The following AHNAK variants were observed in gnomAD, a reference collection of about 807,000 sequenced individuals.
AHNAK encodes neuroblast differentiation-associated protein AHNAK.
AHNAK carries 23 observed loss-of-function variants against 37.8 expected under a neutral mutation model. The observed-to-expected ratio is 0.61, with a 90% CI of 0.44 to 0.86. The LOEUF (loss-of-function observed/expected upper bound fraction) is 0.86. Among genes scored for constraint, AHNAK ranks in the 40% least tolerant of loss-of-function variants. AHNAK has a pLI of 0.00. For synonymous variants in AHNAK, 2,481 were observed against 2,636.3 expected, an observed-to-expected ratio of 0.94 and a Z score of 1.80; for missense variants, 7,411 against 7,319.4, an observed-to-expected ratio of 1.01 and a Z score of -0.46.
intron 5 of AHNAK, among the ~76,000 whole-genome samples, chr11:62,487,522 T>A (rs1169662212): frequency 1.3e-5 from 2 of 152,244 alleles, no homozygotes; most frequent in Non-Finnish European, 2.9e-5. Flanking sequence ...AGTGTCTTTT[T>A]TTTTTGAGAC....
At chr11:62,499,317 G>A (rs1939672716) in intron 4 of AHNAK, among the ~76,000 whole-genome samples, 1 of 152,232 alleles carries the variant, frequency 6.6e-6, no homozygotes, top group Non-Finnish European at 1.5e-5. Context: ...GGGAGGCCGA[G>A]GCGGGTGGAT....
intron 5 of AHNAK, among the ~76,000 whole-genome samples, chr11:62,441,514 T>G (rs1423099663): frequency 6.6e-6 from 1 of 151,928 alleles, no homozygotes; most frequent in Non-Finnish European, 1.5e-5. Context: ...TATTTTATTT[T>G]TGTTTGAGAT....
intron 5 of AHNAK, among the ~76,000 whole-genome samples, chr11:62,449,551 A>C (rs1938489977): frequency 6.6e-6 from 1 of 152,220 alleles, no homozygotes; most frequent in African/African-American, 2.4e-5. Flanking sequence ...GAGCAGGGGC[A>C]GAGGCTGGTA....
chr11:62,476,680 G>GCAA (rs758560665), intron 5 of AHNAK, among the ~76,000 whole-genome samples: 10 of 152,050 alleles, frequency 6.6e-5, no homozygotes, highest in Non-Finnish European at 1.3e-4. Context: ...CTTATTCTAC[G>GCAA]CAACAACAAT....
chr11:62,472,881 G>A (rs1251716230), intron 5 of AHNAK, among the ~76,000 whole-genome samples: 1 of 151,266 alleles, frequency 6.6e-6, no homozygotes, highest in Admixed American at 6.6e-5. Flanking sequence ...GAGGTCAGGA[G>A]GTCAAGACCA....
At chr11:62,439,279 G>T (rs1170757074) in intron 5 of AHNAK, among the ~76,000 whole-genome samples, 4 of 151,618 alleles carry the variant, frequency 2.6e-5, no homozygotes, top group Non-Finnish European at 5.9e-5. Context: ...TGTATTTTTA[G>T]TAGACACGGG....
chr11:62,486,648 T>A (rs1264575122), intron 5 of AHNAK, among the ~76,000 whole-genome samples: 1 of 152,082 alleles, frequency 6.6e-6, no homozygotes, highest in African/African-American at 2.4e-5. Flanking sequence ...GTTCTGGAGC[T>A]GCACAGTGGA....
chr11:62,439,445 G>A (rs1425404867), intron 5 of AHNAK, among the ~76,000 whole-genome samples: 1 of 151,850 alleles, frequency 6.6e-6, no homozygotes, highest in Admixed American at 6.6e-5. Flanking sequence ...TAGTACTCTA[G>A]GGCTAGCACC....
chr11:62,544,025 C>T (rs962960525), intron 1 of AHNAK, among the ~76,000 whole-genome samples: 1 of 152,158 alleles, frequency 6.6e-6, no homozygotes, highest in Non-Finnish European at 1.5e-5. Flanking sequence ...TGACCACACC[C>T]CAGAGCCCCA....
chr11:62,520,276 A>G lies in AHNAK; in HGVS notation c.14141T>C (p.Met4714Thr), dbSNP rs746371303. Residue 4714 changes from methionine to threonine, a missense_variant, in exon 5 of 5, where the codon ATG (methionine) becomes ACG (threonine). Coordinates refer to ENST00000378024, the MANE Select transcript of AHNAK (RefSeq NM_001620.3). ...LKGPKFKMPE[M>T]SIKAPKISMP... is the part of the protein sequence containing the mutation. ...GGAGATCTTGGGGGCTTTGATGCTC[A>G]TCTCAGGCATCTTGAACTTGGGGCC... 1.2e-6 allele frequency: 2 copies of G among 1,612,100 alleles called. No homozygotes were observed. The highest frequency in any genetic ancestry group is 1.7e-6 in the Non-Finnish European group (2 of 1,179,580).
chr11:62,475,040 C>A (rs576581631), intron 5 of AHNAK, among the ~76,000 whole-genome samples: 5 of 152,284 alleles, frequency 3.3e-5, no homozygotes, highest in African/African-American at 1.2e-4. Context: ...CGGTGGCTCA[C>A]GCCCGTAATC....
Position 62,520,289 on chromosome 11 carries a change from T to G in AHNAK, c.14128A>C (p.Lys4710Gln). The change falls in exon 5 of 5, where the codon AAG (lysine) becomes CAG (glutamine). Residue 4710 changes from lysine (K) to glutamine (Q), a missense_variant. Coordinates refer to ENST00000378024, the MANE Select transcript of AHNAK (RefSeq NM_001620.3). The stretch of plus-strand genomic sequence containing the variant: ...GCTTTGATGCTCATCTCAGGCATCT[T>G]GAACTTGGGGCCCTTTAGTTTCGCA... The part of the protein sequence containing the change: ...PDAKLKGPKF[K>Q]MPEMSIKAPK... 1 of 1,613,676 alleles carries G rather than the reference T, an allele frequency of 6.2e-7. No homozygotes were observed. The highest frequency in any genetic ancestry group is 2.2e-5 in the East Asian group (1 of 44,814).
chr11:62,513,292 T>C (rs531757299), downstream of AHNAK, among the ~76,000 whole-genome samples: 35 of 152,296 alleles, frequency 2.3e-4, no homozygotes, highest in African/African-American at 8.2e-4. Context: ...ATCCCAACAC[T>C]TTGGGAGACC....
intron 5 of AHNAK, among the ~76,000 whole-genome samples, chr11:62,476,778 A>G (rs1339917104): frequency 6.6e-6 from 1 of 152,176 alleles, no homozygotes; most frequent in Non-Finnish European, 1.5e-5. Flanking sequence ...ACCAAGAGAA[A>G]GAAGCTCCAA....
Position 62,517,999 on chromosome 11 carries a change from C to T in AHNAK, c.16418G>A (p.Gly5473Asp), listed in dbSNP as rs1174158538. The change falls in exon 5 of 5, where the codon GGC becomes GAC. Residue 5473 changes from glycine (G) to aspartate (D), a missense_variant. Physicochemically the swap from Gly to Asp is moderately conservative, Grantham distance 94. Transcript: ENST00000378024. The part of the protein sequence containing the change: ...GSLGATGEIK[G>D]PTVGGGLPGI... ...TGGAAGACCTCCTCCGACAGTGGGG[C>T]CTTTGATCTCACCAGTGGCCCCAAG... is the stretch of plus-strand genomic sequence containing the variant. 1.9e-6 allele frequency: 3 copies of T among 1,614,064 alleles called. No homozygotes were observed. The Admixed American group carries it at 5.0e-5, about 27-fold the overall frequency.
In AHNAK at chr11:62,517,405, C is replaced by T. The variant is rs540112394; in HGVS notation, c.17012G>A (p.Arg5671His). Residue 5671 changes from arginine (R) to histidine (H), a missense_variant, in exon 5 of 5, where the codon CGT becomes CAT. Physicochemically the swap from Arg to His is conservative, Grantham distance 29. Transcript: ENST00000378024. ...MKIPKFTFSG[R>H]ELVGREMGVD... ...CCCCATTTCTCTGCCAACCAGCTCA[C>T]GGCCAGAGAAGGTAAATTTGGGGAT... 45 of 1,614,202 alleles carry T rather than the reference C, an allele frequency of 2.8e-5. No homozygotes were observed. In the East Asian group the frequency reaches 7.1e-4, roughly 26 times the overall value.
chr11:62,497,909 A>G (rs529019672), intron 4 of AHNAK, among the ~76,000 whole-genome samples: 1 of 152,136 alleles, frequency 6.6e-6, no homozygotes, highest in African/African-American at 2.4e-5. Context: ...GGTTGCAGTG[A>G]GCCGAGACTG....
intron 1 of AHNAK, among the ~76,000 whole-genome samples, chr11:62,539,122 C>T (rs1941044397): frequency 6.6e-6 from 1 of 152,206 alleles, no homozygotes; most frequent in Non-Finnish European, 1.5e-5. Flanking sequence ...GCAGAGAAGG[C>T]TGCGACAGGA....
chr11:62,460,889 C>A (rs895181139), intron 5 of AHNAK, among the ~76,000 whole-genome samples: 1 of 151,940 alleles, frequency 6.6e-6, no homozygotes, highest in African/African-American at 2.4e-5. Context: ...TGGCCGATCT[C>A]GGCTCACTGC....
Sources: gnomAD v4.1 joint callset for allele counts (sites outside exome capture counted in the v4.1 genomes callset) on GRCh38, gnomAD v4.1.1 for gene constraint, MANE v1.5 for transcripts, NCBI Gene and HGNC (gene_info 2026-07-23, HGNC 2026-07-21) for gene names.